Variants in ITSN1 observed in about 807,000 individuals in gnomAD.
ITSN1 encodes intersectin-1.
In ITSN1, 58 loss-of-function variants were observed where a neutral mutation model predicts 239.8. The ratio of observed to expected loss-of-function variants is 0.24; its 90% CI spans 0.20 to 0.30. ITSN1 has a LOEUF of 0.30. Among genes scored for constraint, ITSN1 ranks in the 10% least tolerant of loss-of-function variants. The probability of loss-of-function intolerance (pLI) is 1.00; values close to 1 mark genes in which losing one functional copy is unlikely to be tolerated. For synonymous variants in ITSN1, 780 were observed against 770.8 expected (o/e 1.01, Z -0.20); for missense variants, 1,558 against 2,103.3 (o/e 0.74, Z 5.07).
chr21:33,704,529 G>A (rs565896163), intron 1 of ITSN1, among the ~76,000 whole-genome samples: 1 of 152,194 alleles, frequency 6.6e-6, no homozygotes, highest in Admixed American at 6.5e-5. Flanking sequence ...CTGTGTTTTA[G>A]TCTCTGGAAG....
chr21:33,871,337 T>C (rs1982681234), intron 33 of ITSN1, among the ~76,000 whole-genome samples: 1 of 150,404 alleles, frequency 6.6e-6, no homozygotes. Context: ...CACTGAGCAA[T>C]CCTATGGTAT....
At chr21:33,782,163 G>A (rs2070247834) in intron 16 of ITSN1, 30 bp downstream of exon 16, 4 of 1,600,276 alleles carry the variant, frequency 2.5e-6, no homozygotes, top group Non-Finnish European at 3.4e-6. Context: ...CTGCATGTGT[G>A]TCCTACCTTT....
chr21:33,671,654 T>C (rs2090289827), intron 1 of ITSN1, among the ~76,000 whole-genome samples: 1 of 151,656 alleles, frequency 6.6e-6, no homozygotes, highest in Non-Finnish European at 1.5e-5. Context: ...AATACAAAAA[T>C]TAGCAGGCAT....
intron 29 of ITSN1, among the ~76,000 whole-genome samples, chr21:33,855,897 G>A (rs371964406): frequency 2.0e-5 from 3 of 152,340 alleles, no homozygotes; most frequent in South Asian, 4.1e-4. Context: ...CATCTGCCTG[G>A]TCCCCAGGAC....
chr21:33,849,767 T>G (rs1039639456), intron 29 of ITSN1, among the ~76,000 whole-genome samples: 1 of 152,152 alleles, frequency 6.6e-6, no homozygotes, highest in Non-Finnish European at 1.5e-5. Context: ...ATAGCTCAGG[T>G]GCGCCATAAA....
chr21:33,700,777 A>G (rs1390642488), intron 1 of ITSN1, among the ~76,000 whole-genome samples: 3 of 152,106 alleles, frequency 2.0e-5, no homozygotes, highest in South Asian at 2.1e-4. Flanking sequence ...TAAGAGGATT[A>G]TAAGATTTTT....
At chr21:33,740,973 TTATG>T (rs1173918376) in intron 5 of ITSN1, among the ~76,000 whole-genome samples, 1 of 152,204 alleles carries the variant, frequency 6.6e-6, no homozygotes, top group Non-Finnish European at 1.5e-5. Context: ...GGAAAAATTA[TTATG>T]TAAGAGAAGA....
intron 33 of ITSN1, among the ~76,000 whole-genome samples, chr21:33,871,162 T>G (rs952888488): frequency 6.7e-6 from 1 of 149,086 alleles, no homozygotes; most frequent in Non-Finnish European, 1.5e-5. Flanking sequence ...AACCCAAATT[T>G]TATTCTGGGG....
intron 22 of ITSN1, among the ~76,000 whole-genome samples, chr21:33,814,743 G>A (rs1451956914): frequency 1.3e-5 from 2 of 152,192 alleles, no homozygotes; most frequent in Admixed American, 1.3e-4. Flanking sequence ...TGGAGGAGCG[G>A]TGTGCAGGAA....
intron 34 of ITSN1, among the ~76,000 whole-genome samples, chr21:33,878,008 T>TTGTGTGTGTGTGTG (rs71194867): frequency 3.1e-4 from 43 of 140,316 alleles, no homozygotes; most frequent in East Asian, 1.3e-3. Flanking sequence ...CTCTCTCTCT[T>TTGTGTGTGTGTGTG]TGTGTGTGTG....
At position 33,668,532 on chromosome 21, in the gene ITSN1, A is replaced by G. The variant is rs9977722; in HGVS notation, c.-33+25819A>G. 1.8e-3 allele frequency among the ~76,000 whole-genome samples: 281 copies of G among 152,282 alleles called. 2 individuals are homozygous for G. The highest frequency in any genetic ancestry group is 5.7e-3 in the African/African-American group (237 of 41,550). ...TCTTTACTACCGCAGATCCCTTTCT[A>G]GGGTCCACGACCTTTGCTGGGGTAA... On this transcript the variant is annotated intron_variant, in intron 1 of 39. Transcript: ENST00000381318.
chr21:33,893,219 G>A lies in ITSN1; in HGVS notation c.*4919G>A, dbSNP rs756293371. ...GCCTTCTAGAGTGAATGTTTCCCTC[G>A]AGCCCTTGGATATTTTTATTCTATT... On this transcript the variant is annotated 3_prime_UTR_variant, in exon 40 of 40. Transcript: ENST00000381318. 6.6e-6 allele frequency: 1 copy of A among 152,168 alleles called. No homozygotes were observed. The highest frequency in any genetic ancestry group is 1.5e-5 in the Non-Finnish European group (1 of 68,072). The allele number at this position is 152,168 out of a possible 1,614,324, so 9.4% of individuals were successfully genotyped here.
intron 1 of ITSN1, among the ~76,000 whole-genome samples, chr21:33,712,324 T>C (rs529888492): frequency 6.6e-6 from 1 of 152,358 alleles, no homozygotes; most frequent in Non-Finnish European, 1.5e-5. Flanking sequence ...GAATGCTGTT[T>C]GTTTCAGTAG....
chr21:33,648,127 A>T (rs2088150023), intron 1 of ITSN1, among the ~76,000 whole-genome samples: 1 of 152,178 alleles, frequency 6.6e-6, no homozygotes, highest in Non-Finnish European at 1.5e-5. Flanking sequence ...CCAGTGACAA[A>T]CCTAGTGAAT....
chr21:33,823,680 C>T (rs1262887399), intron 25 of ITSN1, 27 bp downstream of exon 25: 2 of 1,596,900 alleles, frequency 1.3e-6, no homozygotes, highest in South Asian at 2.3e-5. Context: ...TGTTTCCTCT[C>T]CCTTTCTGTG....
At chr21:33,672,465 A>G (rs541645728) in intron 1 of ITSN1, among the ~76,000 whole-genome samples, 2 of 152,088 alleles carry the variant, frequency 1.3e-5, no homozygotes, top group African/African-American at 4.8e-5. Flanking sequence ...TTATAAAAAA[A>G]GACTGAAATA....
intron 11 of ITSN1, among the ~76,000 whole-genome samples, chr21:33,769,372 T>C (rs962490192): frequency 6.6e-6 from 1 of 152,206 alleles, no homozygotes; most frequent in East Asian, 1.9e-4. Context: ...ATTAAAAAGA[T>C]GTATAGAGAC....
Position 33,796,049 on chromosome 21 carries a change from C to T in ITSN1, c.1953-1330C>T, listed in dbSNP as rs556585797. Among the ~76,000 whole-genome samples, 28 of 151,774 alleles carry T rather than the reference C, an allele frequency of 1.8e-4. No homozygotes were observed. In the East Asian group the frequency reaches 2.5e-3, roughly 14 times the overall value. On this transcript the variant is annotated intron_variant, in intron 17 of 39. Transcript: ENST00000381318. ...CACGATCTCGGCTCACTGCAACCTC[C>T]GCCTCCCAGGTTCAACCGACTCTCC...
At chr21:33,741,146 G>A (rs374442530) in intron 5 of ITSN1, among the ~76,000 whole-genome samples, 2 of 152,170 alleles carry the variant, frequency 1.3e-5, no homozygotes, top group African/African-American at 4.8e-5. Context: ...AAGGTTAACT[G>A]GTTGCGCAGT....
Sources: gnomAD v4.1 joint callset for allele counts (sites outside exome capture counted in the v4.1 genomes callset) on GRCh38, gnomAD v4.1.1 for gene constraint, MANE v1.5 for transcripts, NCBI Gene and HGNC (gene_info 2026-07-23, HGNC 2026-07-21) for gene names.